Variants in PTPRD observed in about 807,000 individuals in gnomAD.
PTPRD encodes receptor-type tyrosine-protein phosphatase delta.
Under a neutral mutation model 214.5 loss-of-function variants are expected in PTPRD, and 34 were observed. That is an observed-to-expected ratio of 0.16 (90% confidence interval 0.12 to 0.21). The LOEUF is 0.21. Ranked by LOEUF, PTPRD falls within the 10% of genes least tolerant of loss-of-function variation. PTPRD has a pLI of 1.00. For missense variants in PTPRD, 2,545 were observed against 2,398.7 expected, an observed-to-expected ratio of 1.06 and a Z score of -1.27; for synonymous variants, 1,128 against 845.7, an observed-to-expected ratio of 1.33 and a Z score of -5.79.
chr9:8,475,050 G>A (rs1012107379), intron 30 of PTPRD, among the ~76,000 whole-genome samples: 31 of 152,024 alleles, frequency 2.0e-4, no homozygotes, highest in African/African-American at 7.2e-4. Context: ...TCCCACTCTA[G>A]TCACCTCTCT....
At chr9:8,623,900 C>A (rs547163124) in intron 14 of PTPRD, among the ~76,000 whole-genome samples, 3 of 152,006 alleles carry the variant, frequency 2.0e-5, no homozygotes, top group Non-Finnish European at 2.9e-5. Context: ...AAAAACAAAA[C>A]AAACGAATAA....
chr9:9,514,090 T>C (rs1208908687), intron 8 of PTPRD, among the ~76,000 whole-genome samples: 1 of 152,090 alleles, frequency 6.6e-6, no homozygotes, highest in Non-Finnish European at 1.5e-5. Context: ...GTTTTTGTGC[T>C]TTGAACATTG....
At chr9:9,785,048 A>G (rs1249893514) in intron 5 of PTPRD, among the ~76,000 whole-genome samples, 1 of 151,660 alleles carries the variant, frequency 6.6e-6, no homozygotes, top group African/African-American at 2.4e-5. Context: ...CAACCTAGCT[A>G]GAGTCTTTAG....
chr9:9,483,236 A>T (rs2095491342), intron 8 of PTPRD, among the ~76,000 whole-genome samples: 1 of 152,178 alleles, frequency 6.6e-6, no homozygotes. Flanking sequence ...TATGATGATC[A>T]CAGGTGCATT....
intron 2 of PTPRD, among the ~76,000 whole-genome samples, chr9:10,436,543 A>T (rs1233426811): frequency 6.6e-6 from 1 of 151,790 alleles, no homozygotes; most frequent in Non-Finnish European, 1.5e-5. Flanking sequence ...TACAGTACAC[A>T]TATTATATTA....
chr9:8,632,232 G>C (rs1459709345), intron 14 of PTPRD, among the ~76,000 whole-genome samples: 2 of 150,928 alleles, frequency 1.3e-5, no homozygotes, highest in African/African-American at 2.4e-5. Flanking sequence ...AAATAAATAA[G>C]TTCTTGACAA....
In PTPRD at chr9:8,859,362, T is replaced by C. The variant is rs10977325; in HGVS notation, c.-103-125416A>G. 2.4e-4 allele frequency among the ~76,000 whole-genome samples: 37 copies of C among 152,334 alleles called. No homozygotes were observed. In the East Asian group the frequency reaches 7.2e-3, roughly 29 times the overall value. ...ACTGTGTGTATTGTTAGCTAAGAGA[T>C]GGATTTTAACCTTCTTCACTACTCA... On this transcript the variant is annotated intron_variant, in intron 11 of 45. Coordinates refer to ENST00000381196, the MANE Select transcript of PTPRD (RefSeq NM_002839.4).
chr9:10,128,110 C>T (rs2098833072), intron 3 of PTPRD, among the ~76,000 whole-genome samples: 1 of 152,004 alleles, frequency 6.6e-6, no homozygotes, highest in Admixed American at 6.6e-5. Flanking sequence ...CCTTTCTGGC[C>T]CCAACTTTTA....
chr9:8,609,598 C>T (rs934854703), intron 14 of PTPRD, among the ~76,000 whole-genome samples: 2 of 152,064 alleles, frequency 1.3e-5, no homozygotes, highest in African/African-American at 4.8e-5. Context: ...AGAACAGGAG[C>T]AATTTAGCAC....
At chr9:8,943,387 A>G (rs1480895451) in intron 11 of PTPRD, among the ~76,000 whole-genome samples, 2 of 151,936 alleles carry the variant, frequency 1.3e-5, no homozygotes. Flanking sequence ...CTACAGAGCT[A>G]TACTAGCCAA....
intron 3 of PTPRD, among the ~76,000 whole-genome samples, chr9:10,167,097 G>C (rs1333539505): frequency 6.6e-6 from 1 of 151,022 alleles, no homozygotes; most frequent in Admixed American, 6.6e-5. Context: ...GAGTTTACAG[G>C]TGCTTAGACT....
At chr9:10,366,997 G>A (rs1024047915) in intron 2 of PTPRD, among the ~76,000 whole-genome samples, 4 of 150,902 alleles carry the variant, frequency 2.7e-5, no homozygotes, top group Non-Finnish European at 5.9e-5. Context: ...TTGCTTTGCT[G>A]TAATTCACCT....
chr9:10,045,921 A>G (rs1221850881), intron 3 of PTPRD, among the ~76,000 whole-genome samples: 1 of 151,748 alleles, frequency 6.6e-6, no homozygotes, highest in Non-Finnish European at 1.5e-5. Flanking sequence ...AATTTTCTAT[A>G]ATATTGGGGA....
intron 2 of PTPRD, among the ~76,000 whole-genome samples, chr9:10,555,918 C>T (rs1363264019): frequency 6.6e-6 from 1 of 151,466 alleles, no homozygotes; most frequent in Non-Finnish European, 1.5e-5. Flanking sequence ...GAATAAAGAG[C>T]GTGAAGAGAA....
At chr9:8,540,229 G>C (rs560341792) in intron 14 of PTPRD, among the ~76,000 whole-genome samples, 17 of 151,938 alleles carry the variant, frequency 1.1e-4, no homozygotes, top group South Asian at 4.2e-4. Context: ...AAAGCATCTG[G>C]GTAGCTAGAT....
chr9:9,177,322 GTGGGGATTA>G (rs1164859007), intron 10 of PTPRD, among the ~76,000 whole-genome samples: 2 of 152,044 alleles, frequency 1.3e-5, no homozygotes, highest in Non-Finnish European at 2.9e-5. Flanking sequence ...CCCTTGACAT[GTGGGGATTA>G]TGGGGATTAT....
At chr9:8,715,832 A>G (rs778525808) in intron 12 of PTPRD, among the ~76,000 whole-genome samples, 1 of 152,274 alleles carries the variant, frequency 6.6e-6, no homozygotes, top group South Asian at 2.1e-4. Context: ...AGATAAGTTT[A>G]AAGTTTAGCA....
intron 8 of PTPRD, among the ~76,000 whole-genome samples, chr9:9,445,533 C>A (rs1284229054): frequency 6.6e-6 from 1 of 152,064 alleles, no homozygotes; most frequent in East Asian, 1.9e-4. Context: ...GGGAAGACCT[C>A]AGGAAACTTA....
At chr9:9,442,944 T>C (rs2088763195) in intron 8 of PTPRD, among the ~76,000 whole-genome samples, 1 of 152,194 alleles carries the variant, frequency 6.6e-6, no homozygotes, top group Non-Finnish European at 1.5e-5. Flanking sequence ...TGTTTACATA[T>C]GTTTATCCAT....
Sources: allele counts gnomAD v4.1 joint callset (sites outside exome capture counted in the v4.1 genomes callset), GRCh38; gene constraint gnomAD v4.1.1; transcripts MANE v1.5; gene names NCBI Gene and HGNC (gene_info 2026-07-23, HGNC 2026-07-21).